Variants in CDH13 observed in about 807,000 individuals in gnomAD.
The protein encoded by CDH13 is cadherin 13.
In CDH13, 24 loss-of-function variants were observed where a neutral mutation model predicts 63.8. The observed-to-expected ratio is 0.38, with a 90% CI of 0.27 to 0.53. The LOEUF is 0.53. Ranked by LOEUF, CDH13 falls within the 20% of genes least tolerant of loss-of-function variation. The pLI, the probability that CDH13 is intolerant of heterozygous loss-of-function variation, is 0.85. For synonymous variants in CDH13, 503 were observed against 355.3 expected (o/e 1.42, Z -4.67); for missense variants, 1,049 against 903.1 (o/e 1.16, Z -2.07).
At chr16:83,262,868 T>C (rs147661090) in intron 5 of CDH13, among the ~76,000 whole-genome samples, 1 of 152,326 alleles carries the variant, frequency 6.6e-6, no homozygotes, top group East Asian at 1.9e-4. Context: ...GGACCACCAA[T>C]TGAGTAAGAA....
intron 1 of CDH13, among the ~76,000 whole-genome samples, chr16:82,855,158 C>T (rs149854754): frequency 1.3e-5 from 2 of 152,276 alleles, no homozygotes; most frequent in African/African-American, 4.8e-5. Flanking sequence ...CTACTGCTCC[C>T]CTCTTCCCTA....
At chr16:83,483,398 C>T (rs931819640) in intron 6 of CDH13, among the ~76,000 whole-genome samples, 1 of 151,822 alleles carries the variant, frequency 6.6e-6, no homozygotes, top group African/African-American at 2.4e-5. Context: ...TGTTATCCAA[C>T]CTGTAAACAA....
At chr16:82,629,816 T>C (rs9925671) in intron 1 of CDH13, among the ~76,000 whole-genome samples, 64,424 of 152,110 alleles carry the variant, frequency 0.42, 13,986 homozygotes, top group South Asian at 0.47. Context: ...CAGAAGTGGC[T>C]TCTGGAATTT....
At chr16:83,505,266 G>T (rs2074368921) in intron 7 of CDH13, among the ~76,000 whole-genome samples, 1 of 152,220 alleles carries the variant, frequency 6.6e-6, no homozygotes, top group African/African-American at 2.4e-5. Flanking sequence ...ATAATGCCTA[G>T]CGGGCGTTAG....
chr16:83,659,625 G>C (rs1913255873), intron 8 of CDH13, among the ~76,000 whole-genome samples: 2 of 152,204 alleles, frequency 1.3e-5, no homozygotes, highest in South Asian at 4.1e-4. Flanking sequence ...CATATCATTA[G>C]TGGGTTTGTT....
chr16:83,389,729 A>G lies in CDH13; in HGVS notation c.781+44723A>G, dbSNP rs116478014. Among the ~76,000 whole-genome samples, 134 of 152,254 alleles carry G rather than the reference A, an allele frequency of 8.8e-4. No homozygotes were observed. The East Asian group carries it at 0.018, about 21-fold the overall frequency. ...TTTCCAAGACTCCCCTCAAACTCCA[A>G]TGAATTAAAGTTTTCAGAGTTTGGG... On this transcript the variant is annotated intron_variant, in intron 6 of 13. Coordinates refer to ENST00000567109, the MANE Select transcript of CDH13 (RefSeq NM_001257.5).
intron 10 of CDH13, among the ~76,000 whole-genome samples, chr16:83,696,435 A>T (rs1200635366): frequency 6.6e-6 from 1 of 152,048 alleles, no homozygotes; most frequent in African/African-American, 2.4e-5. Flanking sequence ...AGGACCAGGG[A>T]ATCCAATAGA....
At chr16:82,659,857 C>T (rs768675720) in intron 1 of CDH13, among the ~76,000 whole-genome samples, 3 of 152,258 alleles carry the variant, frequency 2.0e-5, no homozygotes, top group Middle Eastern at 3.4e-3. Flanking sequence ...CTGGCCTCTA[C>T]CCACTAGAGG....
intron 5 of CDH13, among the ~76,000 whole-genome samples, chr16:83,334,927 A>G (rs773028572): frequency 3.9e-5 from 6 of 152,160 alleles, no homozygotes; most frequent in Non-Finnish European, 8.8e-5. Flanking sequence ...ACATATATTG[A>G]TAATATATTC....
chr16:83,594,142 T>C (rs1045346312), intron 7 of CDH13, among the ~76,000 whole-genome samples: 5 of 152,352 alleles, frequency 3.3e-5, no homozygotes, highest in African/African-American at 1.2e-4. Context: ...GGCAGCATGG[T>C]TGGCAATTGC....
chr16:82,735,886 G>A (rs1335945263), intron 1 of CDH13, among the ~76,000 whole-genome samples: 9 of 152,184 alleles, frequency 5.9e-5, no homozygotes, highest in Non-Finnish European at 1.2e-4. Context: ...CTTACAATGT[G>A]CATGGCTTGG....
At chr16:82,699,473 C>A (rs1053410630) in intron 1 of CDH13, among the ~76,000 whole-genome samples, 2 of 152,186 alleles carry the variant, frequency 1.3e-5, no homozygotes, top group Non-Finnish European at 2.9e-5. Flanking sequence ...GTGAGGCAGC[C>A]GATTCCCAGG....
At chr16:83,077,302 G>T (rs1169809128) in intron 3 of CDH13, among the ~76,000 whole-genome samples, 1 of 133,258 alleles carries the variant, frequency 7.5e-6, no homozygotes, top group Non-Finnish European at 1.5e-5. Flanking sequence ...AGCGATTCTT[G>T]TGTCTCAGCC....
At chr16:83,100,422 T>C (rs907988656) in intron 3 of CDH13, among the ~76,000 whole-genome samples, 8 of 152,192 alleles carry the variant, frequency 5.3e-5, no homozygotes, top group African/African-American at 1.9e-4. Flanking sequence ...AGGAAACTGA[T>C]GCTCAGAGAA....
At chr16:82,896,770 C>CTTTTTTTTT (rs71382855) in intron 2 of CDH13, among the ~76,000 whole-genome samples, 2 of 55,516 alleles carry the variant, frequency 3.6e-5, no homozygotes, top group African/African-American at 8.1e-5. Context: ...CTGTGCAATT[C>CTTTTTTTTT]TTTTTTTTTT....
Position 83,560,281 on chromosome 16 carries a change from C to T in CDH13, c.961-42173C>T, listed in dbSNP as rs1400575665. On this transcript the variant is annotated intron_variant, in intron 7 of 13. Transcript: ENST00000567109. ...TATCCATAGTTTCCAGCTCTGAAACCTAATGCTACAAAGATAAAAGTTGCA... is the reference window on the plus strand; with the variant it reads ...TATCCATAGTTTCCAGCTCTGAAACTTAATGCTACAAAGATAAAAGTTGCA... 3.9e-5 allele frequency among the ~76,000 whole-genome samples: 6 copies of T among 152,112 alleles called. No individual in the cohort carries two copies. The East Asian group carries it at 5.8e-4, about 15-fold the overall frequency.
At chr16:83,024,609 A>T (rs567178929) in intron 2 of CDH13, among the ~76,000 whole-genome samples, 1 of 152,310 alleles carries the variant, frequency 6.6e-6, no homozygotes, top group African/African-American at 2.4e-5. Flanking sequence ...TTTCCACAGA[A>T]CACCAAAAGT....
chr16:82,627,638 G>A (rs954884022), intron 1 of CDH13, among the ~76,000 whole-genome samples: 1 of 152,128 alleles, frequency 6.6e-6, no homozygotes, highest in African/African-American at 2.4e-5. Flanking sequence ...ACTTCCCAGG[G>A]CGCCCGGGCC....
intron 3 of CDH13, among the ~76,000 whole-genome samples, chr16:83,119,525 C>T (rs1412354321): frequency 2.6e-5 from 4 of 152,218 alleles, no homozygotes; most frequent in African/African-American, 7.2e-5. Context: ...TACCTCCCTC[C>T]TTTACGCTGA....
Sources: allele counts gnomAD v4.1 joint callset (sites outside exome capture counted in the v4.1 genomes callset), GRCh38; gene constraint gnomAD v4.1.1; transcripts MANE v1.5; gene names NCBI Gene and HGNC (gene_info 2026-07-23, HGNC 2026-07-21).